The following DYM variants were observed in gnomAD, a reference collection of about 807,000 sequenced individuals.
DYM encodes dymeclin.
Under a neutral mutation model 93.1 loss-of-function variants are expected in DYM, and 78 were observed. The observed-to-expected ratio is 0.84, with a 90% CI of 0.70 to 1.01. DYM has a LOEUF of 1.01. Ranked by LOEUF, DYM falls within the 50% of genes least tolerant of loss-of-function variation. The pLI, the probability that DYM is intolerant of heterozygous loss-of-function variation, is 0.00. For missense variants in DYM, 789 were observed against 845.0 expected (o/e 0.93, Z 0.82); for synonymous variants, 321 against 319.7 (o/e 1.00, Z -0.04).
chr18:49,281,035 A>G (rs1187731324), intron 10 of DYM, among the ~76,000 whole-genome samples: 1 of 152,188 alleles, frequency 6.6e-6, no homozygotes, highest in Non-Finnish European at 1.5e-5. Flanking sequence ...ATGGGAGAAA[A>G]TTTTTGCAAT....
intron 10 of DYM, among the ~76,000 whole-genome samples, chr18:49,277,009 T>C (rs2094860237): frequency 6.6e-6 from 1 of 152,148 alleles, no homozygotes; most frequent in Non-Finnish European, 1.5e-5. Flanking sequence ...TATGGGGGAA[T>C]GAGACAGAGG....
chr18:49,307,341 C>T (rs1276127757), intron 8 of DYM, among the ~76,000 whole-genome samples: 3 of 152,018 alleles, frequency 2.0e-5, no homozygotes, highest in African/African-American at 7.2e-5. Context: ...CTTAAGGTTA[C>T]CCATGGTCCA....
intron 17 of DYM, among the ~76,000 whole-genome samples, chr18:49,053,237 G>T (rs1191374183): frequency 6.6e-6 from 1 of 152,170 alleles, no homozygotes; most frequent in Non-Finnish European, 1.5e-5. Flanking sequence ...CAGACCAAAA[G>T]CCTGAAAGCC....
chr18:49,305,062 C>A (rs553126343), intron 8 of DYM, among the ~76,000 whole-genome samples: 1 of 152,250 alleles, frequency 6.6e-6, no homozygotes, highest in Admixed American at 6.5e-5. Context: ...TAGTTTTTGA[C>A]CCGCTCTGTT....
intron 6 of DYM, among the ~76,000 whole-genome samples, chr18:49,346,745 T>G (rs535146941): frequency 6.6e-6 from 1 of 152,210 alleles, no homozygotes; most frequent in South Asian, 2.1e-4. Flanking sequence ...AAGAATAAAG[T>G]TCAAAACAAT....
At chr18:49,406,013 T>G (rs2071452851) in intron 2 of DYM, among the ~76,000 whole-genome samples, 1 of 152,176 alleles carries the variant, frequency 6.6e-6, no homozygotes, top group East Asian at 1.9e-4. Flanking sequence ...CATTCTTGAT[T>G]TGGTTGTCAG....
At chr18:49,252,443 A>G (rs2094311762) in intron 13 of DYM, among the ~76,000 whole-genome samples, 1 of 151,786 alleles carries the variant, frequency 6.6e-6, no homozygotes, top group Admixed American at 6.6e-5. Context: ...GTCTTTTGAG[A>G]CTCACTATCA....
chr18:49,083,249 T>C (rs555033349), intron 17 of DYM, among the ~76,000 whole-genome samples: 1 of 152,194 alleles, frequency 6.6e-6, no homozygotes, highest in African/African-American at 2.4e-5. Flanking sequence ...TGTTGATTCT[T>C]GGTCTATTAA....
At chr18:49,107,685 T>C (rs1010200485) in intron 16 of DYM, among the ~76,000 whole-genome samples, 1 of 152,196 alleles carries the variant, frequency 6.6e-6, no homozygotes, top group African/African-American at 2.4e-5. Context: ...AGACGCTGTT[T>C]GCCTGGGTAT....
intron 17 of DYM, among the ~76,000 whole-genome samples, chr18:49,096,762 C>T (rs2079583520): frequency 6.6e-6 from 1 of 152,126 alleles, no homozygotes; most frequent in African/African-American, 2.4e-5. Context: ...CAGCACTTCC[C>T]CCACCTTCTC....
At chr18:49,290,042 G>A (rs563247689) in intron 8 of DYM, among the ~76,000 whole-genome samples, 139 of 150,900 alleles carry the variant, frequency 9.2e-4, no homozygotes, top group Non-Finnish European at 1.6e-3. Flanking sequence ...AAAATAAAAT[G>A]CACATACTCA....
At chr18:49,229,279 A>G (rs2093631472) in intron 13 of DYM, among the ~76,000 whole-genome samples, 1 of 152,234 alleles carries the variant, frequency 6.6e-6, no homozygotes, top group South Asian at 2.1e-4. Flanking sequence ...GTATCAGGGG[A>G]AAAATGATAA....
intron 11 of DYM, among the ~76,000 whole-genome samples, chr18:49,268,393 A>G (rs574053409): frequency 1.2e-4 from 19 of 152,328 alleles, no homozygotes; most frequent in East Asian, 7.7e-4. Flanking sequence ...CTGAAATCCA[A>G]TGGAACTGAA....
chr18:49,452,288 T>C (rs895046548), intron 1 of DYM, among the ~76,000 whole-genome samples: 1 of 151,618 alleles, frequency 6.6e-6, no homozygotes, highest in African/African-American at 2.4e-5. Context: ...ACCCAAAGAG[T>C]GAGCAGCAGC....
chr18:49,259,778 G>T (rs2094461298), intron 11 of DYM, among the ~76,000 whole-genome samples: 1 of 152,212 alleles, frequency 6.6e-6, no homozygotes, highest in African/African-American at 2.4e-5. Flanking sequence ...AGGTGCTGAG[G>T]GTAAAGTGGG....
intron 17 of DYM, chr18:49,049,653 C>A (rs1426247215): frequency 6.5e-6 from 1 of 154,280 alleles, no homozygotes; most frequent in Non-Finnish European, 1.5e-5. Context: ...ATTAAAATGA[C>A]ATGCAAGTAT....
Position 49,163,759 on chromosome 18 carries a change from T to C in DYM, c.1654A>G (p.Asn552Asp), listed in dbSNP as rs367818401. The change falls in exon 15 of 18, where the codon AAC becomes GAC. Residue 552 changes from asparagine to aspartate, a missense_variant. Around this residue, in one of 3 missense-constraint regions of DYM, gnomAD observed 225 missense variants for 303.0 expected, o/e 0.74. Coordinates refer to ENST00000675505, the MANE Select transcript of DYM (RefSeq NM_001353214.3). ...SLFSLLSKKH[N>D]KVLEQATQSL... The stretch of plus-strand genomic sequence containing the variant: ...TGTGTGGCTTGTTCCAGAACTTTGT[T>C]GTGTTTTTTAGACAGCAAAGAAAAT... 1 of 1,611,848 alleles carries C rather than the reference T, an allele frequency of 6.2e-7. No homozygotes were observed. Among genetic ancestry groups the C allele is most frequent in the African/African-American group, 1.3e-5 (1 of 74,860 alleles).
chr18:49,274,825 T>C (rs368211411), intron 10 of DYM, among the ~76,000 whole-genome samples: 1 of 152,160 alleles, frequency 6.6e-6, no homozygotes, highest in African/African-American at 2.4e-5. Flanking sequence ...CATTTTTTAA[T>C]TGGGTTGTCC....
chr18:49,138,273 G>A (rs1013587035), intron 15 of DYM, among the ~76,000 whole-genome samples: 3 of 152,120 alleles, frequency 2.0e-5, no homozygotes, highest in Non-Finnish European at 4.4e-5. Context: ...TAAATTTTGA[G>A]TAAATTGGAT....
Sources: gnomAD v4.1 joint callset for allele counts (sites outside exome capture counted in the v4.1 genomes callset) on GRCh38, gnomAD v4.1.1 for gene constraint, gnomAD v4.1.1 regional missense constraint, MANE v1.5 for transcripts, NCBI Gene and HGNC (gene_info 2026-07-23, HGNC 2026-07-21) for gene names.